RCHY1: variants seen among roughly 807,000 people sequenced by gnomAD.
RCHY1 encodes RING finger and CHY zinc finger domain-containing protein 1.
Under a neutral mutation model 41.6 loss-of-function variants are expected in RCHY1, and 21 were observed. That is an observed-to-expected ratio of 0.51 (90% CI 0.36 to 0.73). The LOEUF is 0.73. RCHY1 is among the 30% of genes least tolerant of loss of function. The pLI is 0.00. For synonymous variants in RCHY1, 79 were observed against 102.9 expected (o/e 0.77, Z 1.41); for missense variants, 265 against 325.3 (o/e 0.81, Z 1.43).
intron 3 of RCHY1, among the ~76,000 whole-genome samples, chr4:75,504,545 G>C (rs1367954518): frequency 6.6e-6 from 1 of 152,020 alleles, no homozygotes; most frequent in East Asian, 1.9e-4. Flanking sequence ...TGTATTAATT[G>C]GCTATTTGTG....
chr4:75,496,326 G>A (rs1439856413), intron 3 of RCHY1, among the ~76,000 whole-genome samples: 1 of 152,040 alleles, frequency 6.6e-6, no homozygotes, highest in Non-Finnish European at 1.5e-5. Flanking sequence ...CAGGTTAGAA[G>A]AACTAAGGGT....
At chr4:75,488,193 G>A (rs1247240357) in intron 8 of RCHY1, among the ~76,000 whole-genome samples, 5 of 151,606 alleles carry the variant, frequency 3.3e-5, no homozygotes, top group Non-Finnish European at 5.9e-5. Context: ...TCTTTATGTC[G>A]GGGTATATGC....
intron 8 of RCHY1, among the ~76,000 whole-genome samples, chr4:75,486,174 G>A (rs1013021367): frequency 4.6e-5 from 7 of 152,102 alleles, no homozygotes; most frequent in African/African-American, 1.2e-4. Context: ...TAAGTGGTAC[G>A]TAAATTCAGG....
At position 75,479,332 on chromosome 4, in the gene RCHY1, A is replaced by G. The variant is rs1409083062; in HGVS notation, c.*3206T>C. The G allele has an allele frequency of 6.6e-6, 1 of 152,158 alleles. No individual in the cohort carries two copies. Among genetic ancestry groups the G allele is most frequent in the East Asian group, 1.9e-4 (1 of 5,202 alleles). The allele number at this position is 152,158 out of a possible 1,614,324, so 9.4% of individuals were successfully genotyped here. Reference sequence around the variant, plus strand: ...TTTTGAACAACTCCCATTTAAAATTAATTCATTTCAAATTAAACTATTCAA... The same window carrying G: ...TTTTGAACAACTCCCATTTAAAATTGATTCATTTCAAATTAAACTATTCAA... On this transcript the variant is annotated 3_prime_UTR_variant, in exon 9 of 9. Transcript: ENST00000324439.
At chr4:75,512,528 C>G (rs1724998710) in intron 1 of RCHY1, among the ~76,000 whole-genome samples, 1 of 152,176 alleles carries the variant, frequency 6.6e-6, no homozygotes, top group South Asian at 2.1e-4. Flanking sequence ...TTCTCACTCT[C>G]TCCTGCATTA....
intron 3 of RCHY1, among the ~76,000 whole-genome samples, chr4:75,501,604 G>A (rs906841903): frequency 3.5e-4 from 53 of 152,148 alleles, no homozygotes; most frequent in African/African-American, 1.2e-3. Context: ...TCTATAACGT[G>A]AGTCACATAT....
At position 75,496,680 on chromosome 4, in the gene RCHY1, T is replaced by C. The variant is rs567645832; in HGVS notation, c.327-2501A>G. The stretch of plus-strand genomic sequence containing the variant: ...CCTGGGATAAGCCCTTCTGTAGATC[T>C]ACCTAACAAATTAGAAAAGTAAATC... On this transcript the variant is annotated intron_variant, in intron 3 of 8. Transcript: ENST00000324439. Among the ~76,000 whole-genome samples the C allele has an allele frequency of 1.2e-4, 19 of 152,300 alleles. No homozygotes were observed. In the South Asian group the frequency reaches 3.9e-3, roughly 32 times the overall value.
intron 3 of RCHY1, among the ~76,000 whole-genome samples, chr4:75,504,991 C>T (rs925371124): frequency 5.3e-5 from 8 of 152,116 alleles, no homozygotes; most frequent in African/African-American, 1.9e-4. Context: ...TACTGTGCAC[C>T]TACTGTATAT....
At chr4:75,486,025 T>G (rs1264312037) in intron 8 of RCHY1, among the ~76,000 whole-genome samples, 2 of 152,190 alleles carry the variant, frequency 1.3e-5, no homozygotes, top group Non-Finnish European at 2.9e-5. Flanking sequence ...TCTCAGTGCC[T>G]AGACCTGTAG....
Position 75,480,960 on chromosome 4 carries a change from T to C in RCHY1, c.*1578A>G, listed in dbSNP as rs1307937115. 6.6e-6 allele frequency: 1 copy of C among 152,246 alleles called. No individual in the cohort carries two copies. The highest frequency in any genetic ancestry group is 2.4e-5 in the African/African-American group (1 of 41,444). The allele number at this position is 152,246 out of a possible 1,614,324, so 9.4% of individuals were successfully genotyped here. ...GAGCTACGATCACTTCACTACACTC[T>C]AGCCTAAATGACAGAGCAAAACCAC... On this transcript the variant is annotated 3_prime_UTR_variant, in exon 9 of 9. Coordinates refer to ENST00000324439, the MANE Select transcript of RCHY1 (RefSeq NM_015436.4).
intron 3 of RCHY1, among the ~76,000 whole-genome samples, chr4:75,503,138 A>T (rs1723948664): frequency 6.6e-6 from 1 of 152,222 alleles, no homozygotes; most frequent in Non-Finnish European, 1.5e-5. Context: ...GTTTAGTAGC[A>T]TCCCTGGTCT....
At chr4:75,503,944 A>G (rs1560526872) in intron 3 of RCHY1, among the ~76,000 whole-genome samples, 1 of 152,202 alleles carries the variant, frequency 6.6e-6, no homozygotes, top group Non-Finnish European at 1.5e-5. Context: ...AAAATGAAAA[A>G]AATTCATTAA....
chr4:75,513,374 C>G (rs1468858067), intron 1 of RCHY1, among the ~76,000 whole-genome samples: 1 of 152,198 alleles, frequency 6.6e-6, no homozygotes, highest in Non-Finnish European at 1.5e-5. Flanking sequence ...CTGTTAAACA[C>G]TATACACGCC....
intron 3 of RCHY1, among the ~76,000 whole-genome samples, chr4:75,507,146 T>C (rs1447205491): frequency 1.3e-5 from 2 of 152,056 alleles, no homozygotes; most frequent in East Asian, 1.9e-4. Flanking sequence ...GACAATTCTT[T>C]AAGCAGAAGA....
Position 75,491,718 on chromosome 4 carries a change from C to T in RCHY1, c.509+6G>A. 1.9e-6 allele frequency: 3 copies of T among 1,611,470 alleles called. No individual in the cohort carries two copies. The highest frequency in any genetic ancestry group is 2.5e-6 in the Non-Finnish European group (3 of 1,178,096). The stretch of plus-strand genomic sequence containing the variant: ...AAACATCATTGAGAAAAAGATGTTA[C>T]TTTACCTATGTAAAAGATGTCCACA... On this transcript the variant is annotated splice_donor_region_variant and intron_variant, in intron 6 of 8. Transcript: ENST00000324439.
chr4:75,482,748 CAT>C, intron 8 of RCHY1, 82 bp from the exon 9 acceptor site: 1 of 946,380 alleles, frequency 1.1e-6, no homozygotes, highest in Non-Finnish European at 1.4e-6. Flanking sequence ...CCTTGAAAAT[CAT>C]ATTAAAGATG....
Position 75,499,985 on chromosome 4 carries a change from C to T in RCHY1, c.327-5806G>A, listed in dbSNP as rs115852635. Among the ~76,000 whole-genome samples the T allele has an allele frequency of 2.8e-3, 428 of 152,100 alleles. 2 individuals carry two copies. Among genetic ancestry groups the T allele is most frequent in the African/African-American group, 9.1e-3 (378 of 41,494 alleles). ...GCAACAAGGGGAAACCCCAACTCCACAAAAAATTAGCTGGGCATGGTGGCA... is the reference window on the plus strand; with the variant it reads ...GCAACAAGGGGAAACCCCAACTCCATAAAAAATTAGCTGGGCATGGTGGCA... On this transcript the variant is annotated intron_variant, in intron 3 of 8. Transcript: ENST00000324439.
At chr4:75,514,433 G>T (rs1725348192), upstream of RCHY1, 7 of 894,200 alleles carry the variant, frequency 7.8e-6, 1 homozygote, top group South Asian at 1.5e-4. Flanking sequence ...CGGGGCAGAC[G>T]GATTTCCGGT....
In RCHY1 at chr4:75,491,939, T is replaced by C. The variant is rs577343503; in HGVS notation, c.406-6A>G. 4.4e-6 allele frequency: 7 copies of C among 1,583,726 alleles called. No individual in the cohort carries two copies. Among genetic ancestry groups the C allele is most frequent in the African/African-American group, 1.4e-5 (1 of 73,648 alleles). On this transcript the variant is annotated splice_polypyrimidine_tract_variant and splice_region_variant and intron_variant, in intron 4 of 8. Coordinates refer to ENST00000324439, the MANE Select transcript of RCHY1 (RefSeq NM_015436.4). The stretch of plus-strand genomic sequence containing the variant: ...CGGGACACATTTTCAATACACTGTT[T>C]AAAAGAGAAATTCACATTAACAAAA...
Sources: allele counts gnomAD v4.1 joint callset (sites outside exome capture counted in the v4.1 genomes callset), GRCh38; gene constraint gnomAD v4.1.1; transcripts MANE v1.5; gene names NCBI Gene and HGNC (gene_info 2026-07-23, HGNC 2026-07-21).